CSMD1: variants seen among roughly 807,000 people sequenced by gnomAD.
The protein encoded by CSMD1 is CUB and sushi domain-containing protein 1.
Under a neutral mutation model 417.5 loss-of-function variants are expected in CSMD1, and 213 were observed. The ratio of observed to expected loss-of-function variants is 0.51; its 90% CI spans 0.46 to 0.57. The LOEUF (loss-of-function observed/expected upper bound fraction) is 0.57. Among genes scored for constraint, CSMD1 ranks in the 20% least tolerant of loss-of-function variants. The probability of loss-of-function intolerance (pLI) is 0.00; values close to 1 mark genes in which losing one functional copy is unlikely to be tolerated. For missense variants in CSMD1, 6,923 were observed against 4,529.7 expected (o/e 1.53, Z -15.17); for synonymous variants, 2,862 against 1,736.8 (o/e 1.65, Z -16.11).
At chr8:4,313,769 G>A (rs10098620) in intron 3 of CSMD1, among the ~76,000 whole-genome samples, 40,563 of 151,794 alleles carry the variant, frequency 0.27, 6,220 homozygotes, top group African/African-American at 0.43. Context: ...TAATTCCAGC[G>A]TTTTGGGAGG....
At chr8:3,390,171 C>A (rs6982547) in intron 17 of CSMD1, among the ~76,000 whole-genome samples, 71,163 of 151,278 alleles carry the variant, frequency 0.47, 17,130 homozygotes, top group African/African-American at 0.56. Flanking sequence ...CCTGGCCAAC[C>A]TGATGAAAAC....
chr8:3,270,407 A>T (rs1801754492), intron 26 of CSMD1, among the ~76,000 whole-genome samples: 1 of 152,126 alleles, frequency 6.6e-6, no homozygotes, highest in Admixed American at 6.6e-5. Flanking sequence ...ATTTTAAAGC[A>T]GTGAAAAAAA....
chr8:4,094,561 C>G (rs1383262544), intron 3 of CSMD1, among the ~76,000 whole-genome samples: 1 of 152,050 alleles, frequency 6.6e-6, no homozygotes, highest in Non-Finnish European at 1.5e-5. Flanking sequence ...TTGTAGACGC[C>G]CACATGAAAA....
chr8:4,230,182 C>T (rs1192881099), intron 3 of CSMD1, among the ~76,000 whole-genome samples: 1 of 152,098 alleles, frequency 6.6e-6, no homozygotes, highest in East Asian at 1.9e-4. Flanking sequence ...ATATTCTGAG[C>T]CAAATTATCT....
chr8:4,842,985 G>A (rs887477377), intron 1 of CSMD1, among the ~76,000 whole-genome samples: 1 of 152,188 alleles, frequency 6.6e-6, no homozygotes, highest in Non-Finnish European at 1.5e-5. Flanking sequence ...TTCAGAGCTT[G>A]TTGAATAGTC....
chr8:4,176,455 T>C (rs1000005489), intron 3 of CSMD1, among the ~76,000 whole-genome samples: 5 of 152,132 alleles, frequency 3.3e-5, no homozygotes, highest in Non-Finnish European at 7.4e-5. Context: ...CCTTTTTGAT[T>C]ATTTTCTCAT....
At chr8:2,993,442 A>G (rs1806583715) in intron 54 of CSMD1, among the ~76,000 whole-genome samples, 1 of 152,182 alleles carries the variant, frequency 6.6e-6, no homozygotes, top group African/African-American at 2.4e-5. Flanking sequence ...TCCTATTACA[A>G]AAGAGGAGTG....
At chr8:4,135,544 T>C (rs1017416477) in intron 3 of CSMD1, among the ~76,000 whole-genome samples, 27 of 152,260 alleles carry the variant, frequency 1.8e-4, no homozygotes, top group African/African-American at 4.6e-4. Context: ...ATGTTTCAGA[T>C]TGGAAACAAA....
intron 3 of CSMD1, among the ~76,000 whole-genome samples, chr8:4,075,184 T>C (rs1341749315): frequency 6.6e-6 from 1 of 152,214 alleles, no homozygotes; most frequent in Non-Finnish European, 1.5e-5. Flanking sequence ...TCCTTCCTTG[T>C]AGCACATTTA....
intron 1 of CSMD1, among the ~76,000 whole-genome samples, chr8:4,813,536 G>A (rs970929159): frequency 1.2e-4 from 18 of 152,152 alleles, no homozygotes; most frequent in African/African-American, 4.1e-4. Flanking sequence ...AAACACCAGT[G>A]AATGTGTTAA....
intron 11 of CSMD1, among the ~76,000 whole-genome samples, chr8:3,487,232 A>C (rs866301946): frequency 3.3e-5 from 5 of 152,118 alleles, no homozygotes; most frequent in Admixed American, 2.6e-4. Context: ...GACAGAGTCT[A>C]GCTCTGTCTC....
chr8:3,813,011 T>C (rs116534191), intron 5 of CSMD1, among the ~76,000 whole-genome samples: 1,959 of 152,180 alleles, frequency 0.013, 50 homozygotes, highest in African/African-American at 0.045. Flanking sequence ...CTTAGATTAC[T>C]TAATGGTATA....
intron 13 of CSMD1, among the ~76,000 whole-genome samples, chr8:3,408,717 A>C (rs1812502423): frequency 6.6e-6 from 1 of 152,120 alleles, no homozygotes; most frequent in Admixed American, 6.5e-5. Flanking sequence ...TAACTTGGAA[A>C]CATCAGATCA....
chr8:4,442,318 T>G (rs149337991), intron 2 of CSMD1, among the ~76,000 whole-genome samples: 1 of 152,230 alleles, frequency 6.6e-6, no homozygotes, highest in East Asian at 1.9e-4. Flanking sequence ...GAACACAAAG[T>G]ATAAAGTAGA....
At chr8:3,835,114 T>C (rs1415216007) in intron 5 of CSMD1, among the ~76,000 whole-genome samples, 1 of 148,388 alleles carries the variant, frequency 6.7e-6, no homozygotes, top group Non-Finnish European at 1.5e-5. Flanking sequence ...TTTTACACTG[T>C]TGGTGGGACT....
intron 3 of CSMD1, among the ~76,000 whole-genome samples, chr8:4,259,617 A>C (rs1002212154): frequency 1.3e-5 from 2 of 152,140 alleles, no homozygotes; most frequent in Non-Finnish European, 2.9e-5. Context: ...AAACTTTACA[A>C]ATATAGTCGG....
intron 6 of CSMD1, among the ~76,000 whole-genome samples, chr8:3,715,117 G>C (rs112517507): frequency 6.6e-5 from 10 of 152,244 alleles, no homozygotes; most frequent in African/African-American, 2.4e-4. Flanking sequence ...CACTGAGGAA[G>C]AGTCATCGAA....
At position 3,016,147 on chromosome 8, in the gene CSMD1, A is replaced by G. The variant is rs558621610; in HGVS notation, c.8029+2330T>C. Among the ~76,000 whole-genome samples, 6 of 152,366 alleles carry G rather than the reference A, an allele frequency of 3.9e-5. No individual in the cohort carries two copies. The East Asian group carries it at 1.2e-3, about 29-fold the overall frequency. The stretch of plus-strand genomic sequence containing the variant: ...TAATCAGATAAATCTCACAAATGCC[A>G]TGTGCATTTTAAATCATCAAAAAAT... On this transcript the variant is annotated intron_variant, in intron 52 of 69. Transcript: ENST00000635120.
At chr8:4,369,355 G>A (rs1273352252) in intron 3 of CSMD1, among the ~76,000 whole-genome samples, 1 of 152,048 alleles carries the variant, frequency 6.6e-6, no homozygotes, top group African/African-American at 2.4e-5. Flanking sequence ...CTTGCTTTAA[G>A]GCCAAGCATG....
Sources: allele counts gnomAD v4.1 joint callset (sites outside exome capture counted in the v4.1 genomes callset), GRCh38; gene constraint gnomAD v4.1.1; transcripts MANE v1.5; gene names NCBI Gene and HGNC (gene_info 2026-07-23, HGNC 2026-07-21).